The following NRCAM variants were observed in gnomAD, a reference collection of about 807,000 sequenced individuals.
NRCAM encodes the protein NgCAM-related cell adhesion molecule.
NRCAM carries 83 observed loss-of-function variants against 156.5 expected under a neutral mutation model. That is an observed-to-expected ratio of 0.53 (90% CI 0.44 to 0.64). The LOEUF (loss-of-function observed/expected upper bound fraction) is 0.64. NRCAM is among the 30% of genes least tolerant of loss of function. NRCAM has a pLI of 0.00. For synonymous variants in NRCAM, 538 were observed against 563.9 expected (o/e 0.95, Z 0.65); for missense variants, 1,417 against 1,597.3 (o/e 0.89, Z 1.92).
At chr7:108,231,741 TTTTG>T (rs2094364320) in intron 7 of NRCAM, among the ~76,000 whole-genome samples, 2 of 152,220 alleles carry the variant, frequency 1.3e-5, no homozygotes, top group South Asian at 2.1e-4. Flanking sequence ...TAAATTTCTT[TTTTG>T]TTTAATTAGT....
chr7:108,407,695 T>C (rs1183251510), intron 1 of NRCAM, among the ~76,000 whole-genome samples: 1 of 152,208 alleles, frequency 6.6e-6, no homozygotes, highest in Non-Finnish European at 1.5e-5. Flanking sequence ...TTTGAGGCTG[T>C]ATTGCAGTAG....
intron 3 of NRCAM, among the ~76,000 whole-genome samples, chr7:108,273,959 T>C: frequency 6.6e-6 from 1 of 152,232 alleles, no homozygotes. Context: ...CTTCTACATA[T>C]GGCTAGCCAG....
chr7:108,265,088 G>A (rs964130384), intron 3 of NRCAM, among the ~76,000 whole-genome samples: 2 of 152,216 alleles, frequency 1.3e-5, no homozygotes, highest in South Asian at 4.1e-4. Flanking sequence ...AAGATGTTCA[G>A]AGCTGAGTGT....
intron 3 of NRCAM, among the ~76,000 whole-genome samples, chr7:108,289,460 T>C (rs1471622296): frequency 6.6e-6 from 1 of 152,188 alleles, no homozygotes; most frequent in East Asian, 1.9e-4. Flanking sequence ...GTCACGATGT[T>C]GTACAACAGA....
chr7:108,218,159 C>T (rs565913124), intron 11 of NRCAM, among the ~76,000 whole-genome samples: 24 of 141,590 alleles, frequency 1.7e-4, no homozygotes, highest in Middle Eastern at 3.6e-3. Context: ...CAGTCCCTCA[C>T]GGCTTCCCTT....
At chr7:108,410,968 C>G (rs1463869682) in intron 1 of NRCAM, among the ~76,000 whole-genome samples, 1 of 151,988 alleles carries the variant, frequency 6.6e-6, no homozygotes, top group Non-Finnish European at 1.5e-5. Flanking sequence ...CAAAATCAAG[C>G]ACAAAATTTT....
intron 2 of NRCAM, among the ~76,000 whole-genome samples, chr7:108,361,603 C>A (rs1228094942): frequency 6.6e-6 from 1 of 152,118 alleles, no homozygotes; most frequent in Non-Finnish European, 1.5e-5. Context: ...AGTTTGCCAG[C>A]CTTCAGACCA....
chr7:108,306,942 A>C (rs1451413336), intron 3 of NRCAM, among the ~76,000 whole-genome samples: 1 of 152,240 alleles, frequency 6.6e-6, no homozygotes, highest in Non-Finnish European at 1.5e-5. Flanking sequence ...AAGAATAAAA[A>C]TAAATCCCTG....
chr7:108,320,066 CTT>C (rs1563250739), intron 2 of NRCAM, among the ~76,000 whole-genome samples: 2 of 152,140 alleles, frequency 1.3e-5, no homozygotes, highest in Non-Finnish European at 2.9e-5. Context: ...TAAAAAAACA[CTT>C]TTGATAGTGT....
At chr7:108,382,998 C>T (rs1452867580) in intron 2 of NRCAM, among the ~76,000 whole-genome samples, 9 of 152,142 alleles carry the variant, frequency 5.9e-5, no homozygotes. Context: ...ATTATACTTG[C>T]CTCACAGTGC....
In NRCAM at chr7:108,148,983, CT is replaced by C. The variant is rs1176375827; in HGVS notation, c.*926del. 1 of 152,536 alleles carries C rather than the reference CT, an allele frequency of 6.6e-6. No homozygotes were observed. The highest frequency in any genetic ancestry group is 2.4e-5 in the African/African-American group (1 of 41,434). 9.4% of individuals were successfully genotyped at this position (152,536 alleles called of 1,614,324 possible). ...CATGAACTCTGCTTTTTAAAAGTTA[CT>C]TTTAGACAATGACAGTAATCTAGGA... On this transcript the variant is annotated 3_prime_UTR_variant, in exon 33 of 33. Coordinates refer to ENST00000379028, the MANE Select transcript of NRCAM (RefSeq NM_001037132.4).
chr7:108,204,276 A>C (rs1405700796), intron 13 of NRCAM, among the ~76,000 whole-genome samples: 1 of 150,962 alleles, frequency 6.6e-6, no homozygotes, highest in Non-Finnish European at 1.5e-5. Flanking sequence ...AGGGGAGATC[A>C]ACACACAGTG....
At chr7:108,304,983 T>C (rs1271999559) in intron 3 of NRCAM, among the ~76,000 whole-genome samples, 6 of 152,174 alleles carry the variant, frequency 3.9e-5, no homozygotes, top group Non-Finnish European at 7.4e-5. Context: ...AAGAAAAATC[T>C]TAGCATCTAA....
At chr7:108,419,881 A>T (rs1806926246) in intron 1 of NRCAM, among the ~76,000 whole-genome samples, 1 of 152,180 alleles carries the variant, frequency 6.6e-6, no homozygotes, top group African/African-American at 2.4e-5. Flanking sequence ...GGTGCACCTC[A>T]GAGAAGGGAA....
chr7:108,187,610 T>C (rs2079711), intron 20 of NRCAM, among the ~76,000 whole-genome samples: 10,947 of 152,170 alleles, frequency 0.072, 694 homozygotes, highest in African/African-American at 0.17. Flanking sequence ...TTAATAGATA[T>C]ATATGAGTTT....
chr7:108,337,627 G>A (rs983569875), intron 2 of NRCAM, among the ~76,000 whole-genome samples: 3 of 152,126 alleles, frequency 2.0e-5, no homozygotes, highest in Non-Finnish European at 4.4e-5. Flanking sequence ...CATGACCCAC[G>A]GCTTTTAATA....
At chr7:108,183,548 C>T (rs2004747) in intron 22 of NRCAM, among the ~76,000 whole-genome samples, 100,032 of 148,660 alleles carry the variant, frequency 0.67, 35,507 homozygotes, top group East Asian at 0.96. Context: ...CTTTTTTTTT[C>T]TTTTTGGAGA....
intron 3 of NRCAM, among the ~76,000 whole-genome samples, chr7:108,291,151 C>T (rs1186210725): frequency 6.6e-6 from 1 of 152,132 alleles, no homozygotes; most frequent in Non-Finnish European, 1.5e-5. Context: ...CAACTCCTTC[C>T]TCCATATAAC....
chr7:108,430,118 G>C (rs1823026258), intron 1 of NRCAM, among the ~76,000 whole-genome samples: 3 of 152,148 alleles, frequency 2.0e-5, no homozygotes, highest in Admixed American at 2.0e-4. Context: ...AGGCCAGAGA[G>C]GCAGCAGGGG....
Sources: allele counts gnomAD v4.1 joint callset (sites outside exome capture counted in the v4.1 genomes callset), GRCh38; gene constraint gnomAD v4.1.1; transcripts MANE v1.5; gene names NCBI Gene and HGNC (gene_info 2026-07-23, HGNC 2026-07-21).